The following VPS53 variants were observed in gnomAD, a reference collection of about 807,000 sequenced individuals.
VPS53 encodes the protein VPS53 subunit of GARP complex.
A neutral mutation model predicts 107.0 loss-of-function variants in VPS53; 70 were observed. That is an observed-to-expected ratio of 0.65 (90% CI 0.54 to 0.80). VPS53 has a LOEUF of 0.80. VPS53 is among the 30% of genes least tolerant of loss of function. The probability of loss-of-function intolerance (pLI) is 0.00; values close to 1 mark genes in which losing one functional copy is unlikely to be tolerated. For synonymous variants in VPS53, 409 were observed against 393.3 expected, an observed-to-expected ratio of 1.04 and a Z score of -0.47; for missense variants, 917 against 1,049.4, an observed-to-expected ratio of 0.87 and a Z score of 1.74.
At chr17:637,009 T>A (rs1045877906) in intron 7 of VPS53, among the ~76,000 whole-genome samples, 2 of 152,252 alleles carry the variant, frequency 1.3e-5, no homozygotes, top group Non-Finnish European at 2.9e-5. Context: ...CTCCTCCTTG[T>A]ACCTCTGGTA....
At chr17:655,101 C>T (rs531488425) in intron 6 of VPS53, among the ~76,000 whole-genome samples, 2 of 152,270 alleles carry the variant, frequency 1.3e-5, no homozygotes, top group South Asian at 2.1e-4. Context: ...TATGACGATG[C>T]GCTTTCCCTG....
chr17:595,267 G>T (rs1399609609), intron 12 of VPS53, among the ~76,000 whole-genome samples: 1 of 82,102 alleles, frequency 1.2e-5, no homozygotes, highest in Admixed American at 1.0e-4. Context: ...GGAGGAAGCT[G>T]GGAGATGGGA....
At chr17:708,306 T>C (rs1355038906) in intron 2 of VPS53, among the ~76,000 whole-genome samples, 1 of 152,214 alleles carries the variant, frequency 6.6e-6, no homozygotes, top group Non-Finnish European at 1.5e-5. Flanking sequence ...GCAAGTCACA[T>C]GTCCACGTGA....
At position 623,559 on chromosome 17, in the gene VPS53, C is replaced by T. The variant is rs777306135; in HGVS notation, c.1090G>A (p.Gly364Ser). 1.1e-5 allele frequency: 18 copies of T among 1,613,400 alleles called. No individual in the cohort carries two copies. Among genetic ancestry groups the T allele is most frequent in the Middle Eastern group, 1.6e-4 (1 of 6,074 alleles). ...AGGGTCCCATCGGTCAGGGTGCAGC[C>T]GGAGAAGCGTTTTGCAAGAAACCCC... ...FEGFLAKRFS[G>S]CTLTDGTLKK... The change falls in exon 11 of 22, where the codon GGC (glycine) becomes AGC (serine). Residue 364 changes from glycine (G) to serine (S), a missense_variant. Physicochemically the swap from Gly to Ser is moderately conservative, Grantham distance 56. Coordinates refer to ENST00000437048, the MANE Select transcript of VPS53 (RefSeq NM_001128159.3).
At position 551,959 on chromosome 17, in the gene VPS53, C is replaced by A; in HGVS notation, c.1788-9G>T. On this transcript the variant is annotated splice_polypyrimidine_tract_variant and intron_variant, in intron 16 of 21. Transcript: ENST00000437048. The stretch of plus-strand genomic sequence containing the variant: ...TACTGCTGGAGATGACGCTGCAAAT[C>A]AAACAAATCACTGTGGTCACCCTTT... 2 of 1,583,206 alleles carry A rather than the reference C, an allele frequency of 1.3e-6. No homozygotes were observed. Among genetic ancestry groups the A allele is most frequent in the South Asian group, 2.3e-5 (2 of 86,642 alleles).
chr17:639,366 C>T (rs1970330124), intron 7 of VPS53, among the ~76,000 whole-genome samples: 3 of 152,190 alleles, frequency 2.0e-5, no homozygotes, highest in Admixed American at 2.0e-4. Flanking sequence ...GTTCAAACTT[C>T]CTCCTTTAGC....
At chr17:543,666 C>A (rs1269127640) in intron 17 of VPS53, among the ~76,000 whole-genome samples, 1 of 151,508 alleles carries the variant, frequency 6.6e-6, no homozygotes, top group Non-Finnish European at 1.5e-5. Flanking sequence ...AAGATAGAAT[C>A]CTTTGTATTT....
rs200197860 is a variant in VPS53, at chr17:637,381, T to C, written c.609-5753A>G. ...TTCAAAAAACCAGCTCCTGGATTCATTGATTTTTTTGAAGGGTTTTTTGTG... is the reference window on the plus strand; with the variant it reads ...TTCAAAAAACCAGCTCCTGGATTCACTGATTTTTTTGAAGGGTTTTTTGTG... On this transcript the variant is annotated intron_variant, in intron 7 of 21. Transcript: ENST00000437048. Among the ~76,000 whole-genome samples, 30 of 152,312 alleles carry C rather than the reference T, an allele frequency of 2.0e-4. 1 individual carries two copies. The East Asian group carries it at 2.5e-3, about 13-fold the overall frequency.
intron 1 of VPS53, among the ~76,000 whole-genome samples, chr17:712,917 C>G (rs1165569843): frequency 6.6e-6 from 1 of 152,168 alleles, no homozygotes; most frequent in East Asian, 1.9e-4. Flanking sequence ...AATGTTATGT[C>G]TTTTTCTGGC....
intron 4 of VPS53, among the ~76,000 whole-genome samples, chr17:693,198 C>T (rs970727688): frequency 2.4e-4 from 37 of 152,116 alleles, no homozygotes; most frequent in South Asian, 2.1e-4. Context: ...GCAGCCATCT[C>T]GGCTATTACA....
intron 19 of VPS53, chr17:523,143 G>A (rs908246543): frequency 2.0e-5 from 3 of 152,820 alleles, no homozygotes; most frequent in East Asian, 1.9e-4. Flanking sequence ...TTTTGGTGAC[G>A]AGCTCACACT....
intron 13 of VPS53, among the ~76,000 whole-genome samples, chr17:580,312 A>C (rs1966930513): frequency 6.6e-6 from 1 of 151,192 alleles, no homozygotes; most frequent in Non-Finnish European, 1.5e-5. Context: ...TTCCCAGAGA[A>C]CCTCCCTCAG....
intron 2 of VPS53, among the ~76,000 whole-genome samples, chr17:701,366 T>C (rs1187269115): frequency 1.3e-5 from 2 of 151,632 alleles, no homozygotes; most frequent in Non-Finnish European, 2.9e-5. Flanking sequence ...TTAATTTATA[T>C]ATAATTATAT....
At chr17:681,937 C>T (rs1442714917) in intron 4 of VPS53, among the ~76,000 whole-genome samples, 1 of 152,184 alleles carries the variant, frequency 6.6e-6, no homozygotes, top group Non-Finnish European at 1.5e-5. Flanking sequence ...CTTTTAAATC[C>T]TGTCACAATA....
chr17:625,976 C>T (rs982959825), intron 10 of VPS53, among the ~76,000 whole-genome samples: 1 of 151,826 alleles, frequency 6.6e-6, no homozygotes, highest in South Asian at 2.1e-4. Context: ...GTAGTCTAGC[C>T]GCAAATAAAG....
At chr17:705,942 A>T (rs1450620368) in intron 2 of VPS53, 2 of 152,188 alleles carry the variant, frequency 1.3e-5, no homozygotes, top group Non-Finnish European at 2.9e-5. Context: ...TATTCAGCTA[A>T]AACACCATTT....
At chr17:694,445 A>G (rs1324080260) in intron 4 of VPS53, among the ~76,000 whole-genome samples, 2 of 152,230 alleles carry the variant, frequency 1.3e-5, no homozygotes, top group African/African-American at 4.8e-5. Flanking sequence ...TATGCACAGC[A>G]TGACCCAACA....
At chr17:538,550 T>G (rs1910302641) in intron 17 of VPS53, 1 of 152,232 alleles carries the variant, frequency 6.6e-6, no homozygotes, top group Admixed American at 6.5e-5. Context: ...ACATCGTACG[T>G]GGATGATTCT....
At chr17:553,516 C>T in intron 15 of VPS53, 54 bp from the exon 16 acceptor site, 1 of 1,308,622 alleles carries the variant, frequency 7.6e-7, no homozygotes. Context: ...CAAAGAAGTA[C>T]CATCACAATA....
Sources: allele counts gnomAD v4.1 joint callset (sites outside exome capture counted in the v4.1 genomes callset), GRCh38; gene constraint gnomAD v4.1.1; transcripts MANE v1.5; gene names NCBI Gene and HGNC (gene_info 2026-07-23, HGNC 2026-07-21).